NEGR1: variants seen among roughly 807,000 people sequenced by gnomAD.
The protein encoded by NEGR1 is IgLON family member 4.
NEGR1 carries 10 observed loss-of-function variants against 40.9 expected under a neutral mutation model. The observed-to-expected ratio is 0.24, with a 90% CI of 0.15 to 0.42. NEGR1 has a LOEUF of 0.42. Ranked by LOEUF, NEGR1 falls within the 10% of genes least tolerant of loss-of-function variation. The pLI is 1.00. For synonymous variants in NEGR1, 185 were observed against 166.8 expected (o/e 1.11, Z -0.84); for missense variants, 352 against 438.9 (o/e 0.80, Z 1.77).
intron 2 of NEGR1, among the ~76,000 whole-genome samples, chr1:71,800,394 T>C (rs1413023429): frequency 6.6e-6 from 1 of 152,184 alleles, no homozygotes; most frequent in African/African-American, 2.4e-5. Flanking sequence ...GCCACTGCTA[T>C]TGGTGTTTCG....
intron 6 of NEGR1, among the ~76,000 whole-genome samples, chr1:71,431,403 TA>T (rs1209727268): frequency 6.6e-6 from 1 of 152,144 alleles, no homozygotes; most frequent in Non-Finnish European, 1.5e-5. Context: ...CTGTAAGCCC[TA>T]AAAACAGAGT....
intron 2 of NEGR1, among the ~76,000 whole-genome samples, chr1:71,837,282 A>T (rs1049497721): frequency 6.6e-6 from 1 of 152,030 alleles, no homozygotes; most frequent in African/African-American, 2.4e-5. Flanking sequence ...TACTTATATC[A>T]TCCTCGTTCC....
intron 1 of NEGR1, among the ~76,000 whole-genome samples, chr1:71,969,587 C>A (rs1452448284): frequency 6.6e-6 from 1 of 152,172 alleles, no homozygotes; most frequent in African/African-American, 2.4e-5. Flanking sequence ...CATATTTTCT[C>A]AGTGTGCTTC....
At chr1:72,165,759 C>T (rs1353768302) in intron 1 of NEGR1, among the ~76,000 whole-genome samples, 1 of 151,924 alleles carries the variant, frequency 6.6e-6, no homozygotes, top group African/African-American at 2.4e-5. Flanking sequence ...AGTAAAATAT[C>T]TTCTCTGATC....
chr1:71,761,738 T>A (rs1361125021), intron 3 of NEGR1, among the ~76,000 whole-genome samples: 1 of 151,970 alleles, frequency 6.6e-6, no homozygotes, highest in African/African-American at 2.4e-5. Flanking sequence ...AAGAAAAAAT[T>A]AAAACATTCT....
intron 1 of NEGR1, among the ~76,000 whole-genome samples, chr1:71,991,709 C>A (rs1219045455): frequency 6.6e-6 from 1 of 152,164 alleles, no homozygotes; most frequent in Non-Finnish European, 1.5e-5. Context: ...CAAGTATTAC[C>A]CAGCTTTACA....
At chr1:71,774,744 A>G (rs1656444075) in intron 3 of NEGR1, among the ~76,000 whole-genome samples, 1 of 152,154 alleles carries the variant, frequency 6.6e-6, no homozygotes, top group African/African-American at 2.4e-5. Context: ...GTGGGGTCCT[A>G]TTTATTAAAA....
chr1:71,684,280 T>G (rs1470696666), intron 4 of NEGR1, among the ~76,000 whole-genome samples: 1 of 151,882 alleles, frequency 6.6e-6, no homozygotes, highest in Non-Finnish European at 1.5e-5. Context: ...CAAAAAAAAA[T>G]TATAACGCAT....
At chr1:71,941,730 C>G (rs1287457479) in intron 1 of NEGR1, among the ~76,000 whole-genome samples, 2 of 151,864 alleles carry the variant, frequency 1.3e-5, no homozygotes, top group Admixed American at 6.6e-5. Flanking sequence ...CAATACCGTT[C>G]AGTATACAAT....
At chr1:71,958,362 G>A (rs1646135253) in intron 1 of NEGR1, among the ~76,000 whole-genome samples, 2 of 151,996 alleles carry the variant, frequency 1.3e-5, no homozygotes, top group African/African-American at 4.8e-5. Flanking sequence ...CCAGACATTT[G>A]CTATTTAAGC....
At chr1:71,612,697 C>A (rs1158995437) in intron 4 of NEGR1, among the ~76,000 whole-genome samples, 1 of 152,092 alleles carries the variant, frequency 6.6e-6, no homozygotes, top group Admixed American at 6.5e-5. Flanking sequence ...TCTGAGTAGG[C>A]CTCATTGAGA....
At chr1:71,739,199 G>GAAAAAAA (rs776411417) in intron 3 of NEGR1, among the ~76,000 whole-genome samples, 2 of 63,646 alleles carry the variant, frequency 3.1e-5, no homozygotes, top group Non-Finnish European at 6.9e-5. Flanking sequence ...AAGGCAGGCA[G>GAAAAAAA]AAAAAAAAAA....
chr1:71,761,736 A>G (rs952818690), intron 3 of NEGR1, among the ~76,000 whole-genome samples: 2 of 152,168 alleles, frequency 1.3e-5, no homozygotes, highest in South Asian at 4.1e-4. Flanking sequence ...TAAAGAAAAA[A>G]TTAAAACATT....
chr1:72,172,900 T>A (rs1270605456), intron 1 of NEGR1, among the ~76,000 whole-genome samples: 4 of 152,132 alleles, frequency 2.6e-5, no homozygotes, highest in African/African-American at 9.7e-5. Context: ...TCTCTCTGGT[T>A]CTTTCTCTTC....
At chr1:71,689,976 C>T (rs994801157) in intron 4 of NEGR1, among the ~76,000 whole-genome samples, 2 of 151,866 alleles carry the variant, frequency 1.3e-5, no homozygotes, top group Non-Finnish European at 2.9e-5. Context: ...TGAAGACAAG[C>T]TAGCAAGCTT....
At chr1:71,542,926 C>T (rs1312349893) in intron 6 of NEGR1, among the ~76,000 whole-genome samples, 2 of 151,680 alleles carry the variant, frequency 1.3e-5, no homozygotes, top group African/African-American at 4.8e-5. Flanking sequence ...TGAACAAGTA[C>T]AACTGTGTGT....
intron 6 of NEGR1, among the ~76,000 whole-genome samples, chr1:71,453,239 A>C (rs1417906406): frequency 6.6e-6 from 1 of 152,066 alleles, no homozygotes; most frequent in Non-Finnish European, 1.5e-5. Context: ...TCTTCAACTA[A>C]TCTTCTACAA....
At chr1:72,126,134 T>TGA (rs1557539596) in intron 1 of NEGR1, among the ~76,000 whole-genome samples, 1 of 136,900 alleles carries the variant, frequency 7.3e-6, no homozygotes, top group Non-Finnish European at 1.6e-5. Flanking sequence ...TGTGTGTGTG[T>TGA]GAAAGACAGA....
At chr1:72,201,980 A>G (rs1046090302) in intron 1 of NEGR1, among the ~76,000 whole-genome samples, 2 of 151,902 alleles carry the variant, frequency 1.3e-5, no homozygotes, top group African/African-American at 2.4e-5. Context: ...CTTGCTTTGA[A>G]TAAGTCTTTT....
Sources: allele counts gnomAD v4.1 joint callset (sites outside exome capture counted in the v4.1 genomes callset), GRCh38; gene constraint gnomAD v4.1.1; transcripts MANE v1.5; gene names NCBI Gene and HGNC (gene_info 2026-07-23, HGNC 2026-07-21).